DDAH1: variants seen among roughly 807,000 people sequenced by gnomAD.
The protein encoded by DDAH1 is N(G),N(G)-dimethylarginine dimethylaminohydrolase 1.
A neutral mutation model predicts 28.8 loss-of-function variants in DDAH1; 19 were observed. That is an observed-to-expected ratio of 0.66 (90% CI 0.46 to 0.97). The LOEUF (loss-of-function observed/expected upper bound fraction) is 0.97, where lower values mean the gene tolerates loss of function less well. Among genes scored for constraint, DDAH1 ranks in the 50% least tolerant of loss-of-function variants. The probability of loss-of-function intolerance (pLI) is 0.00; values close to 1 mark genes in which losing one functional copy is unlikely to be tolerated. For missense variants in DDAH1, 326 were observed against 375.9 expected (o/e 0.87, Z 1.10); for synonymous variants, 153 against 154.4 (o/e 0.99, Z 0.07).
At chr1:85,372,887 C>T (rs550870694) in intron 1 of DDAH1, among the ~76,000 whole-genome samples, 2 of 152,104 alleles carry the variant, frequency 1.3e-5, no homozygotes, top group Admixed American at 6.6e-5. Flanking sequence ...TATTATAGAT[C>T]GGGTGCATTC....
chr1:85,467,117 G>A (rs55639236), upstream of DDAH1, among the ~76,000 whole-genome samples: 16,627 of 152,152 alleles, frequency 0.11, 1,021 homozygotes, highest in East Asian at 0.22. Context: ...GATTACAGGC[G>A]TGAGCCACTG....
At position 85,536,160 on chromosome 1, in the gene DDAH1, C is replaced by A. The variant is rs537969530; in HGVS notation, c.-122-39879G>T. ...GCTGAGGGATGAGAATTGCTTGAAC[C>A]CAGGAGGCAGAGGTTGCAGTGAACG... On this transcript the variant is annotated intron_variant, in intron 1 of 6. Transcript: ENST00000426972. Among the ~76,000 whole-genome samples the A allele has an allele frequency of 2.0e-5, 3 of 151,490 alleles. No homozygotes were observed. In the South Asian group the frequency reaches 6.3e-4, roughly 32 times the overall value.
chr1:85,437,965 G>C (rs1048699042), intron 1 of DDAH1, among the ~76,000 whole-genome samples: 2 of 152,024 alleles, frequency 1.3e-5, no homozygotes, highest in Non-Finnish European at 2.9e-5. Context: ...AAGAAAATGT[G>C]GTACATATAC....
chr1:85,557,978 C>T (rs955278750), intron 1 of DDAH1, among the ~76,000 whole-genome samples: 3 of 152,132 alleles, frequency 2.0e-5, no homozygotes, highest in Non-Finnish European at 2.9e-5. Context: ...CTGTGAGACT[C>T]TGTTATGGCG....
chr1:85,512,973 C>T (rs2100752696), intron 1 of DDAH1, among the ~76,000 whole-genome samples: 1 of 152,294 alleles, frequency 6.6e-6, no homozygotes. Flanking sequence ...CTACCAATGA[C>T]TTTCTTCACA....
At chr1:85,483,010 A>C (rs1235253886) in intron 2 of DDAH1, among the ~76,000 whole-genome samples, 1 of 152,116 alleles carries the variant, frequency 6.6e-6, no homozygotes, top group African/African-American at 2.4e-5. Context: ...AGATCACCTG[A>C]GGTCAGGAGT....
intron 1 of DDAH1, among the ~76,000 whole-genome samples, chr1:85,544,694 A>G (rs1034467829): frequency 6.6e-6 from 1 of 152,050 alleles, no homozygotes; most frequent in East Asian, 1.9e-4. Context: ...ATAAGACCCA[A>G]CTCACATCCT....
intron 1 of DDAH1, among the ~76,000 whole-genome samples, chr1:85,380,025 T>C (rs559134228): frequency 9.8e-5 from 15 of 152,348 alleles, no homozygotes; most frequent in Non-Finnish European, 1.5e-4. Flanking sequence ...AGAGAGCTCA[T>C]TGGTTTAAAA....
intron 1 of DDAH1, among the ~76,000 whole-genome samples, chr1:85,534,003 C>T (rs1375908951): frequency 6.6e-6 from 1 of 152,212 alleles, no homozygotes; most frequent in Non-Finnish European, 1.5e-5. Context: ...AATACTAGAA[C>T]TGACACCTTG....
At chr1:85,400,916 A>C (rs1357170651) in intron 1 of DDAH1, among the ~76,000 whole-genome samples, 2 of 152,134 alleles carry the variant, frequency 1.3e-5, no homozygotes. Flanking sequence ...TATCCTTCCA[A>C]GCTGCCTTCT....
intron 1 of DDAH1, among the ~76,000 whole-genome samples, chr1:85,519,972 C>CTTTATGTA (rs372553665): frequency 0.49 from 73,102 of 150,614 alleles, 19,178 homozygotes; most frequent in Non-Finnish European, 0.57. Flanking sequence ...TTTTTTTCCC[C>CTTTATGTA]TTTATTTATT....
chr1:85,323,587 A>G (rs17590006), intron 5 of DDAH1, among the ~76,000 whole-genome samples: 26,952 of 152,098 alleles, frequency 0.18, 2,900 homozygotes, highest in Middle Eastern at 0.27. Flanking sequence ...TATCTTTTCA[A>G]TGAAGAGCTT....
chr1:85,463,820 A>G (rs1330582162), intron 1 of DDAH1, among the ~76,000 whole-genome samples: 2 of 152,232 alleles, frequency 1.3e-5, no homozygotes, highest in African/African-American at 2.4e-5. Flanking sequence ...CGGAGTCTTG[A>G]GCCTGGGCTC....
At chr1:85,360,780 A>G (rs913673448) in intron 1 of DDAH1, among the ~76,000 whole-genome samples, 1 of 152,218 alleles carries the variant, frequency 6.6e-6, no homozygotes, top group Non-Finnish European at 1.5e-5. Context: ...GAAACATTAC[A>G]TCTCTTTAAA....
chr1:85,435,451 AT>A (rs1653890039), intron 1 of DDAH1, among the ~76,000 whole-genome samples: 1 of 152,236 alleles, frequency 6.6e-6, no homozygotes, highest in Admixed American at 6.5e-5. Flanking sequence ...CTACTAAATA[AT>A]GAAAATAAAT....
rs36109764 is a variant in DDAH1 at position 85,369,055 on chromosome 1, C to CTT, written c.304-10210_304-10209dup. ...GTGCTCCCATGGCTCCCAGGGGATT[C>CTT]TTTTTTTTTTTTTTTTTTTTTTTGA... On this transcript the variant is annotated intron_variant, in intron 1 of 5. Transcript: ENST00000284031. 7.4e-3 allele frequency among the ~76,000 whole-genome samples: 628 copies of CTT among 84,554 alleles called. 3 individuals carry two copies. The highest frequency in any genetic ancestry group is 9.4e-3 in the Non-Finnish European group (421 of 44,782). 55.5% of individuals were successfully genotyped at this position (84,554 alleles called of 152,430 possible).
intron 3 of DDAH1, 25 bp from the exon 4 acceptor site, chr1:85,350,559 C>A: frequency 1.2e-6 from 2 of 1,608,950 alleles, no homozygotes; most frequent in Admixed American, 3.4e-5. Context: ...GAAAAACAAG[C>A]AGTTTAGTAT....
intron 2 of DDAH1, among the ~76,000 whole-genome samples, chr1:85,476,853 G>C (rs796487753): frequency 2.4e-4 from 36 of 152,094 alleles, no homozygotes; most frequent in African/African-American, 8.2e-4. Context: ...CTGAAGTTTT[G>C]CTAACTTTTT....
At chr1:85,557,146 C>A (rs1438373545) in intron 1 of DDAH1, among the ~76,000 whole-genome samples, 1 of 152,058 alleles carries the variant, frequency 6.6e-6, no homozygotes, top group Non-Finnish European at 1.5e-5. Flanking sequence ...AGAATAAAAG[C>A]TTCCTCACCA....
Sources: allele counts gnomAD v4.1 joint callset (sites outside exome capture counted in the v4.1 genomes callset), GRCh38; gene constraint gnomAD v4.1.1; transcripts MANE v1.5; gene names NCBI Gene and HGNC (gene_info 2026-07-23, HGNC 2026-07-21).